TRPM3: variants seen among roughly 807,000 people sequenced by gnomAD.
The protein encoded by TRPM3 is transient receptor potential cation channel subfamily M member 3.
A neutral mutation model predicts 181.2 loss-of-function variants in TRPM3; 77 were observed. The observed-to-expected ratio is 0.42, with a 90% CI of 0.35 to 0.51. The LOEUF is 0.51. Among genes scored for constraint, TRPM3 ranks in the 20% least tolerant of loss-of-function variants. TRPM3 has a pLI of 0.01. For missense variants in TRPM3, 1,759 were observed against 2,196.7 expected (o/e 0.80, Z 3.98); for synonymous variants, 745 against 796.4 (o/e 0.94, Z 1.09).
intron 1 of TRPM3, among the ~76,000 whole-genome samples, chr9:71,157,355 A>G (rs1464949633): frequency 6.6e-6 from 1 of 152,160 alleles, no homozygotes; most frequent in Non-Finnish European, 1.5e-5. Flanking sequence ...CAACACATTT[A>G]AAAGTATTAC....
At chr9:71,362,127 G>A (rs1350701854) in intron 1 of TRPM3, among the ~76,000 whole-genome samples, 1 of 152,150 alleles carries the variant, frequency 6.6e-6, no homozygotes, top group Non-Finnish European at 1.5e-5. Context: ...CCACAGATAA[G>A]GCCCCTGAAG....
intron 12 of TRPM3, among the ~76,000 whole-genome samples, chr9:70,626,727 A>G (rs960961013): frequency 2.6e-5 from 4 of 152,168 alleles, no homozygotes; most frequent in African/African-American, 7.2e-5. Flanking sequence ...TGGGAAATTC[A>G]TAGTGTCAAA....
chr9:71,379,810 C>T (rs959900687), intron 1 of TRPM3, among the ~76,000 whole-genome samples: 4 of 151,908 alleles, frequency 2.6e-5, no homozygotes, highest in Admixed American at 6.6e-5. Flanking sequence ...TATAGTCTAG[C>T]AGAGAAGAAG....
rs145528252 is a variant in TRPM3 at position 70,789,594 on chromosome 9, GCT to G, written c.974-5317_974-5316del. Among the ~76,000 whole-genome samples, 447 of 152,222 alleles carry G rather than the reference GCT, an allele frequency of 2.9e-3. 3 individuals are homozygous for G. Among genetic ancestry groups the G allele is most frequent in the African/African-American group, 9.6e-3 (400 of 41,530 alleles). On this transcript the variant is annotated intron_variant, in intron 6 of 25. Transcript: ENST00000677713. ...CTACCATCACCAAAGACTTGTCATAGCTCTCAGAACTTTCCATTAGAATTTTA... is the reference window on the plus strand; with the variant it reads ...CTACCATCACCAAAGACTTGTCATAGCTCAGAACTTTCCATTAGAATTTTA...
At chr9:70,575,263 C>A (rs573124048) in intron 22 of TRPM3, among the ~76,000 whole-genome samples, 1 of 152,250 alleles carries the variant, frequency 6.6e-6, no homozygotes, top group African/African-American at 2.4e-5. Context: ...GTAGTGAAGG[C>A]TCCTGCATCT....
intron 4 of TRPM3, among the ~76,000 whole-genome samples, chr9:70,844,873 G>A (rs2094886574): frequency 6.6e-6 from 1 of 152,224 alleles, no homozygotes; most frequent in Non-Finnish European, 1.5e-5. Flanking sequence ...TGGTCTCTAT[G>A]TGACAGGAAT....
chr9:70,810,145 C>G (rs867264995), intron 6 of TRPM3: 4 of 524,170 alleles, frequency 7.6e-6, no homozygotes, highest in Non-Finnish European at 1.6e-5. Context: ...TTCCATCACC[C>G]TGTCCTATGG....
intron 1 of TRPM3, among the ~76,000 whole-genome samples, chr9:71,134,000 T>TGCGC (rs1453099233): frequency 4.7e-5 from 5 of 106,234 alleles, no homozygotes; most frequent in African/African-American, 6.5e-5. Flanking sequence ...TGTGTGTGTG[T>TGCGC]GTGTGTGTGT....
At chr9:71,440,264 C>CA (rs1306678266) in intron 1 of TRPM3, among the ~76,000 whole-genome samples, 2 of 152,208 alleles carry the variant, frequency 1.3e-5, no homozygotes, top group Non-Finnish European at 2.9e-5. Flanking sequence ...CCCAAGGCTA[C>CA]ACAGCTAATA....
intron 9 of TRPM3, among the ~76,000 whole-genome samples, chr9:70,666,456 T>A (rs573157853): frequency 4.5e-4 from 68 of 152,336 alleles, no homozygotes; most frequent in African/African-American, 1.5e-3. Flanking sequence ...AAAGTGGTTT[T>A]TCCAGGCACC....
chr9:70,542,924 A>C (rs1397652957), intron 25 of TRPM3, among the ~76,000 whole-genome samples: 1 of 152,192 alleles, frequency 6.6e-6, no homozygotes, highest in Non-Finnish European at 1.5e-5. Context: ...TGAATTATTA[A>C]GTCCTTTGGG....
At chr9:70,747,460 T>A (rs1179191523) in intron 8 of TRPM3, among the ~76,000 whole-genome samples, 1 of 152,114 alleles carries the variant, frequency 6.6e-6, no homozygotes, top group Non-Finnish European at 1.5e-5. Flanking sequence ...AAAGAAGCAA[T>A]GGAATTTTGG....
chr9:70,910,510 C>G (rs111226821), intron 1 of TRPM3, among the ~76,000 whole-genome samples: 50 of 152,100 alleles, frequency 3.3e-4, no homozygotes, highest in African/African-American at 1.1e-3. Flanking sequence ...TATGATTTAT[C>G]TACTTTTCCA....
At chr9:70,787,203 G>A (rs10780966) in intron 6 of TRPM3, among the ~76,000 whole-genome samples, 78,371 of 151,896 alleles carry the variant, frequency 0.52, 20,593 homozygotes, top group South Asian at 0.56. Context: ...TATTTGAACT[G>A]AAACTAATTA....
intron 1 of TRPM3, among the ~76,000 whole-genome samples, chr9:70,876,364 G>T (rs1156760077): frequency 6.6e-6 from 1 of 150,452 alleles, no homozygotes. Flanking sequence ...GATGCATGTA[G>T]AAATAATCAC....
At chr9:70,862,600 A>G (rs996506481) in intron 3 of TRPM3, among the ~76,000 whole-genome samples, 1 of 152,194 alleles carries the variant, frequency 6.6e-6, no homozygotes, top group African/African-American at 2.4e-5. Context: ...CCAGAAAATG[A>G]CATAATAAAC....
At chr9:70,994,187 T>C (rs1227258835) in intron 1 of TRPM3, among the ~76,000 whole-genome samples, 1 of 152,210 alleles carries the variant, frequency 6.6e-6, no homozygotes, top group Non-Finnish European at 1.5e-5. Flanking sequence ...ACAAGATACC[T>C]AATCTCAAAC....
At chr9:70,689,295 T>C (rs895720699) in intron 8 of TRPM3, among the ~76,000 whole-genome samples, 1 of 152,108 alleles carries the variant, frequency 6.6e-6, no homozygotes, top group African/African-American at 2.4e-5. Flanking sequence ...TTAAAACTAT[T>C]TAAAAGACAA....
chr9:71,306,975 C>A (rs891485340), intron 1 of TRPM3, among the ~76,000 whole-genome samples: 4 of 152,240 alleles, frequency 2.6e-5, no homozygotes, highest in Non-Finnish European at 5.9e-5. Flanking sequence ...TTTGACATTA[C>A]TACAAAACTT....
Sources: allele counts gnomAD v4.1 joint callset (sites outside exome capture counted in the v4.1 genomes callset), GRCh38; gene constraint gnomAD v4.1.1; transcripts MANE v1.5; gene names NCBI Gene and HGNC (gene_info 2026-07-23, HGNC 2026-07-21).